Variants in PCDHA9 observed in about 807,000 individuals in gnomAD.
PCDHA9 encodes the protein protocadherin alpha 9, also known as protocadherin alpha-9.
Under a neutral mutation model 62.0 loss-of-function variants are expected in PCDHA9, and 62 were observed. The observed-to-expected ratio is 1.00, with a 90% confidence interval of 0.81 to 1.23. The LOEUF (loss-of-function observed/expected upper bound fraction) is 1.23. Among genes scored for constraint, PCDHA9 ranks in the 50% most tolerant of loss-of-function variants. The pLI is 0.00. For synonymous variants in PCDHA9, 557 were observed against 567.6 expected, an observed-to-expected ratio of 0.98 and a Z score of 0.27; for missense variants, 1,205 against 1,249.8, an observed-to-expected ratio of 0.96 and a Z score of 0.54.
intron 1 of PCDHA9, chr5:140,926,342 G>T (rs1238404747): frequency 6.6e-6 from 1 of 152,270 alleles, no homozygotes; most frequent in Admixed American, 6.5e-5. Flanking sequence ...GCCGGGACCC[G>T]ACGCGCGGCT....
intron 1 of PCDHA9, chr5:140,865,401 G>A (rs1011488006): frequency 6.6e-6 from 1 of 152,158 alleles, no homozygotes; most frequent in Non-Finnish European, 1.5e-5. Flanking sequence ...TATAAATGCT[G>A]AAAAGGAATT....
At chr5:140,925,146 A>G (rs1467973124) in intron 1 of PCDHA9, among the ~76,000 whole-genome samples, 5 of 151,742 alleles carry the variant, frequency 3.3e-5, no homozygotes, top group Admixed American at 3.3e-4. Flanking sequence ...AACATACACA[A>G]AAGTTGAGAG....
chr5:140,858,772 A>G lies in PCDHA9; in HGVS notation c.2394+7883A>G. ...TTTCGTTACAAATATTTGTGAGATTAGTACTTCATGTTATTTCATTTCCAA... is the reference window on the plus strand; with the variant it reads ...TTTCGTTACAAATATTTGTGAGATTGGTACTTCATGTTATTTCATTTCCAA... On this transcript the variant is annotated intron_variant, in intron 1 of 3. Transcript: ENST00000532602. 1.4e-5 allele frequency: 6 copies of G among 437,250 alleles called. No homozygotes were observed. In the South Asian group the frequency reaches 1.5e-4, roughly 11 times the overall value. 27.1% of individuals were successfully genotyped at this position (437,250 alleles called of 1,614,324 possible).
At chr5:140,875,807 G>A in intron 1 of PCDHA9, 1 of 1,614,206 alleles carries the variant, frequency 6.2e-7, no homozygotes, top group South Asian at 1.1e-5. Flanking sequence ...ATCGTGGACA[G>A]GCCGCTGCAG....
intron 1 of PCDHA9, among the ~76,000 whole-genome samples, chr5:140,946,879 G>A (rs246051): frequency 0.56 from 84,931 of 150,730 alleles, 24,535 homozygotes; most frequent in African/African-American, 0.69. Flanking sequence ...CAATGGGTAC[G>A]AAGTTACAAT....
chr5:140,862,256 A>C (rs2047276539), intron 1 of PCDHA9: 1 of 223,718 alleles, frequency 4.5e-6, no homozygotes, highest in Non-Finnish European at 8.9e-6. Context: ...TTCCAGAGTT[A>C]GCAGTAAGTC....
chr5:140,973,803 G>C (rs1232498397), intron 1 of PCDHA9, among the ~76,000 whole-genome samples: 2 of 152,214 alleles, frequency 1.3e-5, no homozygotes, highest in African/African-American at 2.4e-5. Flanking sequence ...CTGTCTACTT[G>C]ACAGAATAGC....
At chr5:140,877,792 C>T (rs782259804) in intron 1 of PCDHA9, 1 of 1,614,004 alleles carries the variant, frequency 6.2e-7, no homozygotes, top group Non-Finnish European at 8.5e-7. Context: ...GGCCTTCAGC[C>T]CAAGCCTTCA....
intron 1 of PCDHA9, chr5:140,862,974 T>G: frequency 1.8e-6 from 1 of 545,638 alleles, no homozygotes; most frequent in Non-Finnish European, 3.6e-6. Flanking sequence ...GCAGGCCACT[T>G]GGTGGCGAAG....
chr5:140,897,037 AC>A (rs1300892291), intron 1 of PCDHA9, among the ~76,000 whole-genome samples: 1 of 152,074 alleles, frequency 6.6e-6, no homozygotes, highest in Non-Finnish European at 1.5e-5. Flanking sequence ...GACCATAGTC[AC>A]CCTATTCTGC....
chr5:140,858,677 T>C (rs1480959792), intron 1 of PCDHA9: 2 of 629,026 alleles, frequency 3.2e-6, no homozygotes, highest in South Asian at 4.5e-5. Flanking sequence ...TTATTCTGAA[T>C]ACACTAATAT....
chr5:140,928,513 A>AT (rs1563106002), intron 1 of PCDHA9: 1 of 1,614,182 alleles, frequency 6.2e-7, no homozygotes, highest in South Asian at 1.1e-5. Flanking sequence ...AACAGTGACT[A>AT]TAAACTTGTT....
At chr5:140,892,641 T>G (rs2063609688) in intron 1 of PCDHA9, among the ~76,000 whole-genome samples, 1 of 152,226 alleles carries the variant, frequency 6.6e-6, no homozygotes. Flanking sequence ...TTGTACATAT[T>G]TATAGGATAC....
intron 1 of PCDHA9, among the ~76,000 whole-genome samples, chr5:140,972,725 G>A (rs985697414): frequency 2.7e-5 from 4 of 146,408 alleles, no homozygotes; most frequent in African/African-American, 7.7e-5. Context: ...GTGCAGTGGC[G>A]TAATCCCGGC....
At chr5:140,906,083 A>G (rs1554192390) in intron 1 of PCDHA9, among the ~76,000 whole-genome samples, 1 of 152,146 alleles carries the variant, frequency 6.6e-6, no homozygotes, top group Non-Finnish European at 1.5e-5. Context: ...ACCCACCCAG[A>G]CTGAGAGTAA....
chr5:140,870,962 C>G (rs1489353896), intron 1 of PCDHA9: 2 of 1,613,532 alleles, frequency 1.2e-6, no homozygotes, highest in African/African-American at 1.3e-5. Context: ...TCGCGCATCC[C>G]GTTCCGCGTG....
At chr5:140,871,086 G>GGCCACC (rs782688668) in intron 1 of PCDHA9, 1 of 1,613,256 alleles carries the variant, frequency 6.2e-7, no homozygotes, top group Non-Finnish European at 8.5e-7. Context: ...TGACGGCCAC[G>GGCCACC]GCCACCGTGC....
rs188796483 is a variant in PCDHA9 at position 140,869,402 on chromosome 5, C to T, written c.2394+18513C>T. On this transcript the variant is annotated intron_variant, in intron 1 of 3. Transcript: ENST00000532602. The stretch of plus-strand genomic sequence containing the variant: ...CGCGAGGAGCTGTGCGGGCAGAGCG[C>T]GGAGTGCAGCATCCACCTGGAGGTG... 9.6e-4 allele frequency: 1,554 copies of T among 1,614,178 alleles called. 9 individuals are homozygous for T. The highest frequency in any genetic ancestry group is 2.2e-4 in the Non-Finnish European group (262 of 1,180,040).
chr5:141,004,768 A>G (rs2098180289), intron 3 of PCDHA9, among the ~76,000 whole-genome samples: 1 of 152,160 alleles, frequency 6.6e-6, no homozygotes, highest in Non-Finnish European at 1.5e-5. Flanking sequence ...CAGGACCTGT[A>G]TTTTAAAGGT....
Sources: gnomAD v4.1 joint callset for allele counts (sites outside exome capture counted in the v4.1 genomes callset) on GRCh38, gnomAD v4.1.1 for gene constraint, MANE v1.5 for transcripts, NCBI Gene and HGNC (gene_info 2026-07-23, HGNC 2026-07-21) for gene names.